PLEKHG3: variants seen among roughly 807,000 people sequenced by gnomAD.
PLEKHG3 encodes pleckstrin homology and RhoGEF domain containing G3, also known as pleckstrin homology domain-containing family G member 3.
Under a neutral mutation model 94.9 loss-of-function variants are expected in PLEKHG3, and 62 were observed. The ratio of observed to expected loss-of-function variants is 0.65; its 90% CI spans 0.53 to 0.81. The LOEUF (loss-of-function observed/expected upper bound fraction) is 0.81, where lower values mean the gene tolerates loss of function less well. Ranked by LOEUF, PLEKHG3 falls within the 30% of genes least tolerant of loss-of-function variation. PLEKHG3 has a pLI of 0.00. For missense variants in PLEKHG3, 1,461 were observed against 1,619.3 expected (o/e 0.90, Z 1.68); for synonymous variants, 614 against 654.0 (o/e 0.94, Z 0.93).
In PLEKHG3 at chr14:64,749,701, G is replaced by A. The variant is rs1448359020; in HGVS notation, c.*5998G>A. 3 of 1,613,728 alleles carry A rather than the reference G, an allele frequency of 1.9e-6. No individual in the cohort carries two copies. Among genetic ancestry groups the A allele is most frequent in the East Asian group, 2.2e-5 (1 of 44,868 alleles). On this transcript the variant is annotated 3_prime_UTR_variant, in exon 17 of 17. Transcript: ENST00000247226. The surrounding 1 kb of genome is among the most constrained non-coding windows in gnomAD (Gnocchi z 4.7). ...CACTCGCTGCCATTACTCAGCCTAGGAGGACAAAGGGTTTCCTGTCATGGA... is the reference window on the plus strand; with the variant it reads ...CACTCGCTGCCATTACTCAGCCTAGAAGGACAAAGGGTTTCCTGTCATGGA...
rs780701505 is a variant in PLEKHG3 at position 64,730,391 on chromosome 14, A to G, written c.519+79A>G. 2 of 959,252 alleles carry G rather than the reference A, an allele frequency of 2.1e-6. No homozygotes were observed. Among genetic ancestry groups the G allele is most frequent in the Admixed American group, 4.0e-5 (2 of 50,008 alleles). 59.4% of individuals were successfully genotyped at this position (959,252 alleles called of 1,614,324 possible). A position where few individuals can be genotyped will look rare whatever the true frequency, so the allele number is the denominator to read the frequency against. On this transcript the variant is annotated intron_variant, in intron 4 of 16. Coordinates refer to ENST00000247226, the MANE Select transcript of PLEKHG3 (RefSeq NM_001308147.2). This position sits in a 1 kb window ranked among gnomAD's most constrained non-coding sequence, Gnocchi z 5.4. Reference sequence around the variant, plus strand: ...ACAAGAACTGCCAGCATAAGAGGACATCTGAGTCCTGGGGATTCCTTTCCA... The same window carrying G: ...ACAAGAACTGCCAGCATAAGAGGACGTCTGAGTCCTGGGGATTCCTTTCCA...
chr14:64,728,177 A>T lies in PLEKHG3; in HGVS notation c.351+195A>T, dbSNP rs2081390413. Among the ~76,000 whole-genome samples, 3 of 152,178 alleles carry T rather than the reference A, an allele frequency of 2.0e-5. No individual in the cohort carries two copies. The highest frequency in any genetic ancestry group is 2.0e-4 in the Admixed American group (3 of 15,288). On this transcript the variant is annotated intron_variant, in intron 2 of 16. Coordinates refer to ENST00000247226, the MANE Select transcript of PLEKHG3 (RefSeq NM_001308147.2). The surrounding 1 kb of genome is among the most constrained non-coding windows in gnomAD (Gnocchi z 5.9). ...TGGGCCAGATCAGTAGCTTGGGCCG[A>T]CAGGAGTGAGCATCGTTGATAGGGT...
At chr14:64,734,305 C>T (rs1336929842) in intron 12 of PLEKHG3, among the ~76,000 whole-genome samples, 1 of 152,076 alleles carries the variant, frequency 6.6e-6, no homozygotes, top group Non-Finnish European at 1.5e-5. Context: ...CTTTTCTTCT[C>T]CTGTAATTCT....
rs143154740 is a variant in PLEKHG3 at position 64,717,412 on chromosome 14, A to G, written c.-39-10181A>G. 8.5e-3 allele frequency among the ~76,000 whole-genome samples: 1,290 copies of G among 152,220 alleles called. 18 individuals carry two copies. Among genetic ancestry groups the G allele is most frequent in the African/African-American group, 0.03 (1,226 of 41,520 alleles). Reference sequence around the variant, plus strand: ...GCCCTGGCAGCCTTGCCTCCAAGCCACCATTCTGATGGGCTTGGGAAGGGA... The same window carrying G: ...GCCCTGGCAGCCTTGCCTCCAAGCCGCCATTCTGATGGGCTTGGGAAGGGA... On this transcript the variant is annotated intron_variant, in intron 1 of 16. Coordinates refer to ENST00000247226, the MANE Select transcript of PLEKHG3 (RefSeq NM_001308147.2). This position sits in a 1 kb window ranked among gnomAD's most constrained non-coding sequence, Gnocchi z 4.7.
At position 64,727,561 on chromosome 14, in the gene PLEKHG3, G is replaced by A. The variant is rs1359570710; in HGVS notation, c.-39-32G>A. On this transcript the variant is annotated intron_variant, in intron 1 of 16. Transcript: ENST00000247226. The surrounding 1 kb of genome is among the most constrained non-coding windows in gnomAD (Gnocchi z 6.0). Reference sequence around the variant, plus strand: ...TGTTCTGTTTCTGTGGGCATTCAGAGGTTGACCCTTCATCTGTCTGTCTTG... The same window carrying A: ...TGTTCTGTTTCTGTGGGCATTCAGAAGTTGACCCTTCATCTGTCTGTCTTG... 1.3e-6 allele frequency: 1 copy of A among 756,630 alleles called. No individual in the cohort carries two copies. Among genetic ancestry groups the A allele is most frequent in the Non-Finnish European group, 2.2e-6 (1 of 450,646 alleles). The allele number at this position is 756,630 out of a possible 1,614,324, so 46.9% of individuals were successfully genotyped here.
rs1312267998 is a variant in PLEKHG3, at chr14:64,749,366, G to A, written c.*5663G>A. On this transcript the variant is annotated 3_prime_UTR_variant, in exon 17 of 17. Transcript: ENST00000247226. The surrounding 1 kb of genome is among the most constrained non-coding windows in gnomAD (Gnocchi z 4.7). ...CCTTGTCTTTCTTGCCGAGGCTGGC[G>A]TCGGGGCCGGAGAGGGAAGGCAGGG... The A allele has an allele frequency of 4.3e-6, 7 of 1,610,532 alleles. No individual in the cohort carries two copies. Among genetic ancestry groups the A allele is most frequent in the Non-Finnish European group, 4.2e-6 (5 of 1,179,714 alleles).
chr14:64,743,268 C>T lies in PLEKHG3; in HGVS notation c.3225C>T (p.Pro1075=), dbSNP rs752781854. ...GGGGCGGCCGGCCCCGCGGCCCACC[C>T]GTCAACAGGAGCCACTCGGTGCCGG... ...RAGGGRPRGP[P]VNRSHSVPEN... is the part of the protein sequence containing the mutation. Residue 1075 remains proline (P), a synonymous_variant, in exon 17 of 17, where the codon CCC becomes CCT. Transcript: ENST00000247226. The surrounding 1 kb of genome is among the most constrained non-coding windows in gnomAD (Gnocchi z 7.2). The T allele has an allele frequency of 1.4e-5, 22 of 1,606,818 alleles. No homozygotes were observed. The highest frequency in any genetic ancestry group is 8.8e-5 in the South Asian group (8 of 90,866).
chr14:64,731,196 A>C lies in PLEKHG3; in HGVS notation c.849+27A>C. On this transcript the variant is annotated intron_variant, in intron 7 of 16. Transcript: ENST00000247226. This position sits in a 1 kb window ranked among gnomAD's most constrained non-coding sequence, Gnocchi z 6.1. ...TGCTCTGGGGCTGGGACGCTGGGGG[A>C]GGGGCAGGGCTGGGTGGGCCAGGCT... 4.4e-6 allele frequency: 3 copies of C among 683,300 alleles called. No individual in the cohort carries two copies. Among genetic ancestry groups the C allele is most frequent in the Non-Finnish European group, 7.4e-6 (3 of 407,584 alleles). The allele number at this position is 683,300 out of a possible 1,614,324, so 42.3% of individuals were successfully genotyped here. A position where few individuals can be genotyped will look rare whatever the true frequency, so the allele number is the denominator to read the frequency against.
At chr14:64,724,539 G>A (rs2081319458) in intron 1 of PLEKHG3, among the ~76,000 whole-genome samples, 1 of 152,096 alleles carries the variant, frequency 6.6e-6, no homozygotes, top group Non-Finnish European at 1.5e-5. Flanking sequence ...GTGATCCTTT[G>A]ACCGGGAATC....
chr14:64,731,519 C>CT lies in PLEKHG3; in HGVS notation c.1011dup (p.Val338CysfsTer99). 6.2e-7 allele frequency: 1 copy of CT among 1,614,126 alleles called. No individual in the cohort carries two copies. Among genetic ancestry groups the CT allele is most frequent in the Non-Finnish European group, 8.5e-7 (1 of 1,180,018 alleles). On this transcript the variant is annotated frameshift_variant, in exon 8 of 17. Transcript: ENST00000247226. LOFTEE classifies it high-confidence loss of function. This position sits in a 1 kb window ranked among gnomAD's most constrained non-coding sequence, Gnocchi z 6.1. Reference sequence around the variant, plus strand: ...TTATCACCAAGAAGCGGGGCGATCACTTTGTCTACAAGGGCAACATCCCGG... The same window carrying CT: ...TTATCACCAAGAAGCGGGGCGATCACTTTTGTCTACAAGGGCAACATCCCGG...
intron 15 of PLEKHG3, 25 bp from the exon 16 acceptor site, chr14:64,741,011 G>A (rs752591751): frequency 2.5e-5 from 38 of 1,538,770 alleles, no homozygotes; most frequent in Non-Finnish European, 3.1e-5. Context: ...TTTTACTCAT[G>A]TGAGCCTTTT....
rs397954215 is a variant in PLEKHG3, at chr14:64,744,771, A to ATTTTTTTTTTTTTTTTTTTTTT, written c.*1088_*1089insTTTTTTTTTTTTTTTTTTTTTT. The ATTTTTTTTTTTTTTTTTTTTTT allele has an allele frequency of 1.7e-4, 21 of 122,024 alleles. No individual in the cohort carries two copies. Among genetic ancestry groups the ATTTTTTTTTTTTTTTTTTTTTT allele is most frequent in the African/African-American group, 5.1e-4 (15 of 29,504 alleles). The allele number at this position is 122,024 out of a possible 1,614,324, so 7.6% of individuals were successfully genotyped here. A position where few individuals can be genotyped will look rare whatever the true frequency, so the allele number is the denominator to read the frequency against. ...CCAGGAAACATCCTAGAAGACAAGG[A>ATTTTTTTTTTTTTTTTTTTTTT]TTTTTTTTTTTTTTTTTTTTGAGAC... On this transcript the variant is annotated 3_prime_UTR_variant, in exon 17 of 17. Coordinates refer to ENST00000247226, the MANE Select transcript of PLEKHG3 (RefSeq NM_001308147.2).
chr14:64,733,644 C>G lies in PLEKHG3; in HGVS notation c.1345+743C>G, dbSNP rs1379259079. ...GGAACAACCGAGCAGAAGCAGGACC[C>G]GGGGAAAACGAGTTCAGTGGCACCA... On this transcript the variant is annotated intron_variant, in intron 12 of 16. Transcript: ENST00000247226. Among the ~76,000 whole-genome samples the G allele has an allele frequency of 4.6e-5, 7 of 152,246 alleles. No individual in the cohort carries two copies. In the South Asian group the frequency reaches 1.2e-3, roughly 27 times the overall value.
chr14:64,713,911 T>C (rs1377508468), intron 1 of PLEKHG3, among the ~76,000 whole-genome samples: 1 of 152,214 alleles, frequency 6.6e-6, no homozygotes, highest in Non-Finnish European at 1.5e-5. Context: ...TATTTAACTA[T>C]TGGGTTTTAT....
intron 1 of PLEKHG3, among the ~76,000 whole-genome samples, chr14:64,706,369 C>T (rs984822809): frequency 4.6e-5 from 7 of 152,236 alleles, no homozygotes; most frequent in African/African-American, 1.7e-4. Context: ...CAGATGTCCT[C>T]ATTGTCTGAT....
Position 64,713,765 on chromosome 14 carries a change from C to CT in PLEKHG3, c.-40+9070dup, listed in dbSNP as rs748986439. Among the ~76,000 whole-genome samples, 247 of 150,440 alleles carry CT rather than the reference C, an allele frequency of 1.6e-3. 5 individuals carry two copies. In the East Asian group the frequency reaches 0.036, roughly 22 times the overall value. On this transcript the variant is annotated intron_variant, in intron 1 of 16. Transcript: ENST00000247226. ...TGAAATTTGCACCTTCCCCCATTTC[C>CT]TTTTTTTTTCTCTGTGGACCTCTAA...
Position 64,743,494 on chromosome 14 carries a change from C to A in PLEKHG3, c.3451C>A (p.Pro1151Thr). The A allele has an allele frequency of 6.2e-7, 1 of 1,613,138 alleles. No homozygotes were observed. Among genetic ancestry groups the A allele is most frequent in the South Asian group, 1.1e-5 (1 of 91,090 alleles). The change falls in exon 17 of 17, where the codon CCC (proline) becomes ACC (threonine). Residue 1151 changes from proline (P) to threonine (T), a missense_variant. By Grantham distance (38) the Pro-to-Thr change is conservative. Transcript: ENST00000247226. This position sits in a 1 kb window ranked among gnomAD's most constrained non-coding sequence, Gnocchi z 7.2. ...NRRVIVMEKG[P>T]LPSPTAGLEE... ...GCGGGTGATTGTCATGGAGAAGGGA[C>A]CCCTTCCCAGCCCCACTGCAGGGCT...
rs150907858 is a variant in PLEKHG3 at position 64,750,023 on chromosome 14, A to T, written c.*6320A>T. The T allele has an allele frequency of 6.2e-7, 1 of 1,614,162 alleles. No homozygotes were observed. Among genetic ancestry groups the T allele is most frequent in the South Asian group, 1.1e-5 (1 of 91,082 alleles). ...CTTCTTCTTCTTGTAGTTGGCAGCAATCTCACAGATGGCATGTCTCAGGGC... is the reference window on the plus strand; with the variant it reads ...CTTCTTCTTCTTGTAGTTGGCAGCATTCTCACAGATGGCATGTCTCAGGGC... On this transcript the variant is annotated 3_prime_UTR_variant, in exon 17 of 17. Coordinates refer to ENST00000247226, the MANE Select transcript of PLEKHG3 (RefSeq NM_001308147.2).
In PLEKHG3 at chr14:64,737,350, C is replaced by T; in HGVS notation, c.1385-6C>T. 6.2e-7 allele frequency: 1 copy of T among 1,603,128 alleles called. No homozygotes were observed. The highest frequency in any genetic ancestry group is 8.5e-7 in the Non-Finnish European group (1 of 1,175,444). The stretch of plus-strand genomic sequence containing the variant: ...GTGCTGGGGGACCCGGTGGTGATGT[C>T]TGCAGCCCGAGCAGCAGGAATGAAG... On this transcript the variant is annotated splice_polypyrimidine_tract_variant and splice_region_variant and intron_variant, in intron 13 of 16. Coordinates refer to ENST00000247226, the MANE Select transcript of PLEKHG3 (RefSeq NM_001308147.2).
Sources: gnomAD v4.1 joint callset for allele counts (sites outside exome capture counted in the v4.1 genomes callset) on GRCh38, gnomAD v4.1.1 for gene constraint, Gnocchi (gnomAD v3.1) non-coding constraint, MANE v1.5 for transcripts, NCBI Gene and HGNC (gene_info 2026-07-23, HGNC 2026-07-21) for gene names.